The following ADGRA1 variants were observed in gnomAD, a reference collection of about 807,000 sequenced individuals.
The protein encoded by ADGRA1 is G-protein coupled receptor 123.
A neutral mutation model predicts 21.3 loss-of-function variants in ADGRA1; 12 were observed. That is an observed-to-expected ratio of 0.56 (90% CI 0.36 to 0.91). ADGRA1 has a LOEUF of 0.91. ADGRA1 is among the 40% of genes least tolerant of loss of function. The pLI is 0.01. For missense variants in ADGRA1, 790 were observed against 805.6 expected, an observed-to-expected ratio of 0.98 and a Z score of 0.23; for synonymous variants, 385 against 368.8, an observed-to-expected ratio of 1.04 and a Z score of -0.50.
Position 133,128,707 on chromosome 10 carries a change from C to T in ADGRA1, c.879C>T (p.Ala293=), listed in dbSNP as rs754584379. The change falls in exon 7 of 7, where the codon GCC becomes GCT. Residue 293 remains alanine (A), a synonymous_variant. Transcript: ENST00000392607. ...TGGTCTTCAGCTGCCTGTACGGCGC[C>T]TTCTGCGTGACCCTGGGACTCTTCG... The part of the protein sequence containing the change: ...LDMVFSCLYG[A]FCVTLGLFVL... 2 of 1,612,146 alleles carry T rather than the reference C, an allele frequency of 1.2e-6. No homozygotes were observed. Among genetic ancestry groups the T allele is most frequent in the South Asian group, 2.2e-5 (2 of 91,076 alleles).
intron 5 of ADGRA1, among the ~76,000 whole-genome samples, chr10:133,107,636 T>C (rs1851917227): frequency 6.6e-6 from 1 of 152,248 alleles, no homozygotes; most frequent in Non-Finnish European, 1.5e-5. Context: ...TTCACAGCTA[T>C]GAATTTTCCT....
chr10:133,100,968 C>T (rs370504649), intron 4 of ADGRA1, among the ~76,000 whole-genome samples: 14 of 152,342 alleles, frequency 9.2e-5, no homozygotes, highest in South Asian at 8.3e-4. Flanking sequence ...GCCCACAAGG[C>T]GACGTTCTCC....
intron 5 of ADGRA1, among the ~76,000 whole-genome samples, chr10:133,109,686 G>C (rs1404077431): frequency 6.6e-6 from 1 of 152,206 alleles, no homozygotes; most frequent in Non-Finnish European, 1.5e-5. Context: ...GACAATGACG[G>C]GAAGGTCCCT....
intron 2 of ADGRA1, among the ~76,000 whole-genome samples, chr10:133,089,511 C>T (rs1172335673): frequency 6.6e-6 from 1 of 152,216 alleles, no homozygotes; most frequent in Admixed American, 6.5e-5. Flanking sequence ...CACCAGCAAG[C>T]TTTTGCTGCA....
chr10:133,093,433 AGG>A (rs1851637078), intron 2 of ADGRA1, among the ~76,000 whole-genome samples: 1 of 152,246 alleles, frequency 6.6e-6, no homozygotes, highest in African/African-American at 2.4e-5. Flanking sequence ...CTAAAGAAAG[AGG>A]AGACACAAAT....
Position 133,128,622 on chromosome 10 carries a change from T to C in ADGRA1, c.794T>C (p.Leu265Pro). ...QLRAAAFTLF[L>P]FTATWAFGAL... ...CGCGCCGCCGCCTTCACGCTGTTCC[T>C]GTTCACGGCCACGTGGGCCTTCGGG... The change falls in exon 7 of 7, where the codon CTG (leucine) becomes CCG (proline). Residue 265 changes from leucine (L) to proline (P), a missense_variant. Coordinates refer to ENST00000392607, the MANE Select transcript of ADGRA1 (RefSeq NM_001083909.3). 1 of 1,606,220 alleles carries C rather than the reference T, an allele frequency of 6.2e-7. No individual in the cohort carries two copies. The highest frequency in any genetic ancestry group is 1.1e-5 in the South Asian group (1 of 90,330).
chr10:133,090,792 G>A lies in ADGRA1; in HGVS notation c.3+1880G>A, dbSNP rs188786607. ...TAAGGGCATAGGGCACAGGTCACAG[G>A]TCAGATTCTTTGGTGGCATCGCTCC... On this transcript the variant is annotated intron_variant, in intron 2 of 6. Coordinates refer to ENST00000392607, the MANE Select transcript of ADGRA1 (RefSeq NM_001083909.3). 1.3e-3 allele frequency among the ~76,000 whole-genome samples: 202 copies of A among 152,322 alleles called. 1 individual carries two copies. The highest frequency in any genetic ancestry group is 2.5e-3 in the Admixed American group (39 of 15,304).
chr10:133,109,609 C>T (rs796831441), intron 5 of ADGRA1, among the ~76,000 whole-genome samples: 2 of 152,138 alleles, frequency 1.3e-5, no homozygotes, highest in Admixed American at 6.5e-5. Flanking sequence ...AGTGAGACCC[C>T]GACCTTCTGC....
Position 133,097,064 on chromosome 10 carries a change from C to T in ADGRA1, c.94C>T (p.Leu32Phe). The change falls in exon 3 of 7, where the codon CTC (leucine) becomes TTC (phenylalanine). Residue 32 changes from leucine (L) to phenylalanine (F), a missense_variant. Coordinates refer to ENST00000392607, the MANE Select transcript of ADGRA1 (RefSeq NM_001083909.3). ...GTGCACGGCCGTCATGCTGCTCTGC[C>T]TCCTGGCCTCCTTCGTCACCTACAT... is the stretch of plus-strand genomic sequence containing the variant. ...YACTAVMLLC[L>F]LASFVTYIVH... is the part of the protein sequence containing the mutation. 1 of 1,609,060 alleles carries T rather than the reference C, an allele frequency of 6.2e-7. No homozygotes were observed. Among genetic ancestry groups the T allele is most frequent in the Non-Finnish European group, 8.5e-7 (1 of 1,180,002 alleles).
Position 133,111,953 on chromosome 10 carries a change from CTCCAG to C in ADGRA1, c.401+9112_401+9116del, listed in dbSNP as rs1482953425. 1.2e-4 allele frequency among the ~76,000 whole-genome samples: 7 copies of C among 60,076 alleles called. 1 individual carries two copies. The highest frequency in any genetic ancestry group is 4.2e-4 in the African/African-American group (6 of 14,214). The allele number at this position is 60,076 out of a possible 152,430, so 39.4% of individuals were successfully genotyped here. A position where few individuals can be genotyped will look rare whatever the true frequency, so the allele number is the denominator to read the frequency against. Reference sequence around the variant, plus strand: ...GCCGTGAGCACCTCCCTCCTAATCCCTCCAGACCACCTGCCCACCACAGGCACCTC... The same window carrying C: ...GCCGTGAGCACCTCCCTCCTAATCCCACCACCTGCCCACCACAGGCACCTC... On this transcript the variant is annotated intron_variant, in intron 5 of 6. Coordinates refer to ENST00000392607, the MANE Select transcript of ADGRA1 (RefSeq NM_001083909.3).
In ADGRA1 at chr10:133,112,717, C is replaced by CAGGCCGCGTCGGTTATTTGAGGTCTGT. The variant is rs1564850353; in HGVS notation, c.401+9875_401+9876insAGGCCGCGTCGGTTATTTGAGGTCTGT. On this transcript the variant is annotated intron_variant, in intron 5 of 6. Coordinates refer to ENST00000392607, the MANE Select transcript of ADGRA1 (RefSeq NM_001083909.3). ...GGCCACGTCAGTTATTTGGGGTCTG[C>CAGGCCGCGTCGGTTATTTGAGGTCTGT]GGGCCGCGTCGGTTATTTGAGGTCT... is the stretch of plus-strand genomic sequence containing the variant. Among the ~76,000 whole-genome samples, 82 of 111,736 alleles carry CAGGCCGCGTCGGTTATTTGAGGTCTGT rather than the reference C, an allele frequency of 7.3e-4. 5 individuals are homozygous for CAGGCCGCGTCGGTTATTTGAGGTCTGT. Among genetic ancestry groups the CAGGCCGCGTCGGTTATTTGAGGTCTGT allele is most frequent in the South Asian group, 1.4e-3 (4 of 2,846 alleles). 73.3% of individuals were successfully genotyped at this position (111,736 alleles called of 152,430 possible). A position where few individuals can be genotyped will look rare whatever the true frequency, so the allele number is the denominator to read the frequency against.
rs200885416 is a variant in ADGRA1, at chr10:133,103,984, C to T, written c.401+1142C>T. Reference sequence around the variant, plus strand: ...AGAGGCTGCTCTGTGGCCAGCGGTCCCAGGGGGTCTTGGAGGACATTCATC... The same window carrying T: ...AGAGGCTGCTCTGTGGCCAGCGGTCTCAGGGGGTCTTGGAGGACATTCATC... On this transcript the variant is annotated intron_variant, in intron 5 of 6. Transcript: ENST00000392607. Among the ~76,000 whole-genome samples the T allele has an allele frequency of 5.8e-3, 880 of 152,304 alleles. 8 individuals carry two copies. Among genetic ancestry groups the T allele is most frequent in the African/African-American group, 0.02 (819 of 41,568 alleles).
At chr10:133,095,639 TTG>T in intron 2 of ADGRA1, 1 of 1,589,654 alleles carries the variant, frequency 6.3e-7, no homozygotes, top group South Asian at 1.1e-5. Flanking sequence ...AGCCAGTCCC[TTG>T]GCTCCCCAGA....
chr10:133,099,317 A>G (rs547204232), intron 4 of ADGRA1, among the ~76,000 whole-genome samples: 1 of 152,254 alleles, frequency 6.6e-6, no homozygotes, highest in Non-Finnish European at 1.5e-5. Flanking sequence ...TGGTGGGGGC[A>G]GCTCGAGGAG....
chr10:133,106,238 G>A (rs899870353), intron 5 of ADGRA1, among the ~76,000 whole-genome samples: 11 of 152,176 alleles, frequency 7.2e-5, no homozygotes, highest in African/African-American at 1.7e-4. Flanking sequence ...GGGGGGCGCC[G>A]GAGCCCCTGC....
chr10:133,127,790 TGGCCCCGCCCACCCAGC>T (rs1564855890), intron 6 of ADGRA1, among the ~76,000 whole-genome samples: 4 of 10,418 alleles, frequency 3.8e-4, no homozygotes, highest in African/African-American at 1.5e-3. Context: ...CACCTCCGCC[TGGCCCCGCCCACCCAGC>T]TCCACCTCCG....
chr10:133,108,016 G>A (rs1195005686), intron 5 of ADGRA1, among the ~76,000 whole-genome samples: 1 of 152,258 alleles, frequency 6.6e-6, no homozygotes, highest in Admixed American at 6.5e-5. Flanking sequence ...TGCACATCCT[G>A]CTGTGTGGCC....
At position 133,129,177 on chromosome 10, in the gene ADGRA1, G is replaced by T; in HGVS notation, c.1349G>T (p.Ser450Ile). 1 of 1,551,042 alleles carries T rather than the reference G, an allele frequency of 6.4e-7. No homozygotes were observed. The highest frequency in any genetic ancestry group is 8.7e-7 in the Non-Finnish European group (1 of 1,147,286). The change falls in exon 7 of 7, where the codon AGC becomes ATC. Residue 450 changes from serine (S) to isoleucine (I), a missense_variant. This residue lies in a region of ADGRA1 where 391 missense variants were observed against 351.5 expected (regional missense o/e 1.11). Transcript: ENST00000392607. ...IPSSLDGSPR[S>I]SRTDSPPSSL... Reference sequence around the variant, plus strand: ...TCCAGCCTGGATGGCAGCCCCCGCAGCTCGCGCACAGACAGCCCCCCCAGC... The same window carrying T: ...TCCAGCCTGGATGGCAGCCCCCGCATCTCGCGCACAGACAGCCCCCCCAGC...
intron 5 of ADGRA1, among the ~76,000 whole-genome samples, chr10:133,114,839 G>A (rs1271072975): frequency 4.6e-5 from 7 of 152,160 alleles, no homozygotes; most frequent in Non-Finnish European, 2.9e-5. Flanking sequence ...GTCCTGCTCC[G>A]CCCGCCCCTG....
Sources: allele counts gnomAD v4.1 joint callset (sites outside exome capture counted in the v4.1 genomes callset), GRCh38; gene constraint gnomAD v4.1.1; regional missense constraint gnomAD v4.1.1; transcripts MANE v1.5; gene names NCBI Gene and HGNC (gene_info 2026-07-23, HGNC 2026-07-21).